SH3D19: variants seen among roughly 807,000 people sequenced by gnomAD.
The protein encoded by SH3D19 is SH3 domain containing 19.
Under a neutral mutation model 112.1 loss-of-function variants are expected in SH3D19, and 58 were observed. That is an observed-to-expected ratio of 0.52 (90% CI 0.42 to 0.64). SH3D19 has a LOEUF of 0.64. SH3D19 is among the 30% of genes least tolerant of loss of function. SH3D19 has a pLI of 0.00. For synonymous variants in SH3D19, 391 were observed against 448.5 expected (o/e 0.87, Z 1.62); for missense variants, 1,090 against 1,263.4 (o/e 0.86, Z 2.08).
chr4:151,258,200 G>A (rs918855197), intron 1 of SH3D19, among the ~76,000 whole-genome samples: 2 of 152,112 alleles, frequency 1.3e-5, no homozygotes, highest in African/African-American at 4.8e-5. Context: ...TTAACACAAC[G>A]CAGACCTAAT....
At chr4:151,259,282 G>C (rs1006038417) in intron 1 of SH3D19, among the ~76,000 whole-genome samples, 2 of 152,164 alleles carry the variant, frequency 1.3e-5, no homozygotes, top group Non-Finnish European at 2.9e-5. Flanking sequence ...TGACAAATGA[G>C]GATGAACCAG....
intron 2 of SH3D19, among the ~76,000 whole-genome samples, chr4:151,222,121 G>T (rs1253076965): frequency 6.6e-6 from 1 of 151,996 alleles, no homozygotes; most frequent in Non-Finnish European, 1.5e-5. Flanking sequence ...TTCCATTTTT[G>T]ACCAGCTCTG....
At chr4:151,246,903 A>C (rs1175871439) in intron 1 of SH3D19, among the ~76,000 whole-genome samples, 1 of 152,180 alleles carries the variant, frequency 6.6e-6, no homozygotes, top group Non-Finnish European at 1.5e-5. Context: ...GCCCCATAGA[A>C]CCTGCAGTTA....
At chr4:151,256,394 G>A (rs1255752828) in intron 1 of SH3D19, among the ~76,000 whole-genome samples, 1 of 152,190 alleles carries the variant, frequency 6.6e-6, no homozygotes, top group Non-Finnish European at 1.5e-5. Context: ...TTTGAAAGAG[G>A]AAAGAGACAT....
rs747615999 is a variant in SH3D19, at chr4:151,127,684, C to T, written c.2961G>A (p.Pro987=). ...AEAKSMLAIV[P]KGRKAKALYD... ...ATAAGGCTTTGGCCTTCCTCCCCTT[C>T]GGTACTATGGCCAACATACTTTTTG... Residue 987 remains proline (P), a synonymous_variant, in exon 19 of 20, where the codon CCG becomes CCA. Transcript: ENST00000604030. The T allele has an allele frequency of 2.4e-5, 39 of 1,604,284 alleles. No homozygotes were observed. The highest frequency in any genetic ancestry group is 1.6e-4 in the South Asian group (14 of 88,844).
chr4:151,303,642 C>T (rs1728663109), intron 1 of SH3D19, among the ~76,000 whole-genome samples: 1 of 152,072 alleles, frequency 6.6e-6, no homozygotes, highest in African/African-American at 2.4e-5. Context: ...TTGTTCAGAA[C>T]GGTGCAGTAA....
intron 11 of SH3D19, among the ~76,000 whole-genome samples, chr4:151,145,617 T>C (rs1194309411): frequency 1.3e-5 from 2 of 152,354 alleles, no homozygotes; most frequent in African/African-American, 4.8e-5. Context: ...ATAAACAGCC[T>C]TGTTGCTCTC....
chr4:151,121,871 G>A lies in SH3D19; in HGVS notation c.*220C>T, dbSNP rs543951950. 5.5e-5 allele frequency: 21 copies of A among 384,020 alleles called. No individual in the cohort carries two copies. In the South Asian group the frequency reaches 7.7e-4, roughly 14 times the overall value. The allele number at this position is 384,020 out of a possible 1,614,324, so 23.8% of individuals were successfully genotyped here. A position where few individuals can be genotyped will look rare whatever the true frequency, so the allele number is the denominator to read the frequency against. On this transcript the variant is annotated 3_prime_UTR_variant, in exon 20 of 20. Transcript: ENST00000604030. ...GCTAATCCCACTAGATGTTTTCCTC[G>A]GTAGAATCCTAGCTCATGGGTTTCC...
intron 1 of SH3D19, among the ~76,000 whole-genome samples, chr4:151,231,838 A>C (rs779124136): frequency 3.3e-5 from 5 of 152,214 alleles, no homozygotes; most frequent in Non-Finnish European, 5.9e-5. Flanking sequence ...CAGTACTCTA[A>C]TTACCCAGGA....
intron 2 of SH3D19, among the ~76,000 whole-genome samples, chr4:151,211,269 T>TC (rs1765922907): frequency 7.1e-6 from 1 of 140,142 alleles, no homozygotes; most frequent in Admixed American, 7.1e-5. Context: ...AAACTCCATC[T>TC]CAAAAAAAAA....
intron 1 of SH3D19, among the ~76,000 whole-genome samples, chr4:151,299,512 G>A (rs191676072): frequency 3.4e-4 from 51 of 148,572 alleles, no homozygotes; most frequent in Middle Eastern, 3.6e-3. Context: ...CCTCGGAGGC[G>A]GAGGTTGCGG....
chr4:151,232,713 TC>T (rs1437940773), intron 1 of SH3D19, among the ~76,000 whole-genome samples: 2 of 152,154 alleles, frequency 1.3e-5, no homozygotes, highest in African/African-American at 4.8e-5. Context: ...TGACTACCAC[TC>T]TTAATATCTT....
intron 1 of SH3D19, among the ~76,000 whole-genome samples, chr4:151,265,559 T>C (rs887389062): frequency 7.1e-6 from 1 of 140,658 alleles, no homozygotes; most frequent in African/African-American, 2.6e-5. Context: ...ATATTTATTT[T>C]ATTTCTTTTC....
chr4:151,127,101 C>T (rs531800930), intron 19 of SH3D19, among the ~76,000 whole-genome samples: 4 of 152,040 alleles, frequency 2.6e-5, no homozygotes, highest in Non-Finnish European at 4.4e-5. Context: ...TTAGTAGAGA[C>T]GGGGTTTCAC....
At chr4:151,290,496 G>C (rs1775215799) in intron 1 of SH3D19, among the ~76,000 whole-genome samples, 1 of 152,200 alleles carries the variant, frequency 6.6e-6, no homozygotes, top group Admixed American at 6.5e-5. Context: ...CAAATCCATA[G>C]AGGCAGAGAG....
At chr4:151,200,012 A>G (rs1764162895) in intron 2 of SH3D19, among the ~76,000 whole-genome samples, 1 of 152,146 alleles carries the variant, frequency 6.6e-6, no homozygotes, top group Admixed American at 6.6e-5. Context: ...GAGGCCCCAG[A>G]GAGATCCCTT....
In SH3D19 at chr4:151,313,403, GTATTTATTTATT is replaced by G. The variant is rs142590729; in HGVS notation, c.112+11826_112+11837del. ...TCAAATAGAAGTCTGCATATTTTAT[GTATTTATTTATT>G]TATTTATTTATTTATTTTAGAGATA... On this transcript the variant is annotated intron_variant, in intron 1 of 19. Transcript: ENST00000604030. Among the ~76,000 whole-genome samples, 5 of 149,716 alleles carry G rather than the reference GTATTTATTTATT, an allele frequency of 3.3e-5. No homozygotes were observed. In the Admixed American group the frequency reaches 3.3e-4, roughly 10 times the overall value.
chr4:151,325,410 A>G lies in SH3D19; in HGVS notation c.-58T>C. Reference sequence around the variant, plus strand: ...CAGCGAGCTGCGGCCCCGGCGCCCCAGAACGCCTGCACCCGGCGCCCCACG... The same window carrying G: ...CAGCGAGCTGCGGCCCCGGCGCCCCGGAACGCCTGCACCCGGCGCCCCACG... On this transcript the variant is annotated 5_prime_UTR_variant, in exon 1 of 20. Coordinates refer to ENST00000604030, the MANE Select transcript of SH3D19 (RefSeq NM_001378122.1). 7 of 931,986 alleles carry G rather than the reference A, an allele frequency of 7.5e-6. No homozygotes were observed. Among genetic ancestry groups the G allele is most frequent in the Non-Finnish European group, 9.6e-6 (7 of 727,224 alleles). The allele number at this position is 931,986 out of a possible 1,614,324, so 57.7% of individuals were successfully genotyped here. A position where few individuals can be genotyped will look rare whatever the true frequency, so the allele number is the denominator to read the frequency against.
At chr4:151,214,629 G>A (rs80032810) in intron 2 of SH3D19, among the ~76,000 whole-genome samples, 6 of 40,290 alleles carry the variant, frequency 1.5e-4, no homozygotes, top group Admixed American at 3.0e-4. Flanking sequence ...CTGGCCGGGC[G>A]GGGGGCTGAC....
Sources: allele counts gnomAD v4.1 joint callset (sites outside exome capture counted in the v4.1 genomes callset), GRCh38; gene constraint gnomAD v4.1.1; transcripts MANE v1.5; gene names NCBI Gene and HGNC (gene_info 2026-07-23, HGNC 2026-07-21).